The following RBFOX1 variants were observed in gnomAD, a reference collection of about 807,000 sequenced individuals.
RBFOX1 encodes RNA binding fox-1 homolog 1, also known as RNA binding protein fox-1 homolog 1.
In RBFOX1, 8 loss-of-function variants were observed where a neutral mutation model predicts 57.7. That is an observed-to-expected ratio of 0.14 (90% CI 0.08 to 0.25). RBFOX1 has a LOEUF of 0.25. Among genes scored for constraint, RBFOX1 ranks in the 10% least tolerant of loss-of-function variants. The pLI, the probability that RBFOX1 is intolerant of heterozygous loss-of-function variation, is 1.00. For missense variants in RBFOX1, 611 were observed against 548.5 expected (o/e 1.11, Z -1.14); for synonymous variants, 326 against 222.4 (o/e 1.47, Z -4.15).
chr16:6,921,971 A>T (rs558754169), intron 3 of RBFOX1, among the ~76,000 whole-genome samples: 1 of 152,166 alleles, frequency 6.6e-6, no homozygotes, highest in Non-Finnish European at 1.5e-5. Flanking sequence ...TATTGTATGA[A>T]TTAGAATATA....
chr16:6,566,607 C>G (rs1183545991), intron 2 of RBFOX1, among the ~76,000 whole-genome samples: 4 of 152,108 alleles, frequency 2.6e-5, no homozygotes, highest in African/African-American at 9.7e-5. Context: ...TTCTTATTAT[C>G]TTTAGAAGGT....
intron 3 of RBFOX1, among the ~76,000 whole-genome samples, chr16:6,685,273 C>CTT (rs202226687): frequency 0.049 from 5,442 of 111,486 alleles, 640 homozygotes; most frequent in African/African-American, 0.16. Context: ...GAGAGTTTTT[C>CTT]TTTTTTTTTT....
intron 3 of RBFOX1, among the ~76,000 whole-genome samples, chr16:6,939,688 C>T (rs763301763): frequency 5.9e-5 from 9 of 151,802 alleles, no homozygotes; most frequent in Middle Eastern, 3.4e-3. Flanking sequence ...ATTTTTGTAT[C>T]TTTGGTAGAG....
intron 2 of RBFOX1, among the ~76,000 whole-genome samples, chr16:6,442,688 T>C (rs1345720596): frequency 6.6e-6 from 1 of 152,202 alleles, no homozygotes; most frequent in African/African-American, 2.4e-5. Context: ...GTGATATCAG[T>C]CTCCCTGTCT....
intron 11 of RBFOX1, among the ~76,000 whole-genome samples, chr16:7,652,453 G>A (rs902858564): frequency 2.6e-5 from 4 of 152,292 alleles, no homozygotes; most frequent in Admixed American, 2.6e-4. Context: ...TGTCACTCAG[G>A]CTGGAATGCA....
intron 4 of RBFOX1, among the ~76,000 whole-genome samples, chr16:7,261,858 G>A (rs113221041): frequency 1.3e-5 from 2 of 152,122 alleles, no homozygotes; most frequent in Admixed American, 1.3e-4. Context: ...GGATTCATTT[G>A]TTCAGGAGGC....
At chr16:5,801,809 C>T (rs1257374204) in intron 3 of RBFOX1, among the ~76,000 whole-genome samples, 4 of 152,052 alleles carry the variant, frequency 2.6e-5, no homozygotes, top group Admixed American at 6.6e-5. Context: ...GAACCGGGTG[C>T]CAAAATTATC....
intron 2 of RBFOX1, among the ~76,000 whole-genome samples, chr16:6,592,364 C>CT (rs2097723372): frequency 6.6e-6 from 1 of 152,156 alleles, no homozygotes; most frequent in Non-Finnish European, 1.5e-5. Flanking sequence ...CACAAAGGGT[C>CT]TTTGGATGGG....
intron 11 of RBFOX1, among the ~76,000 whole-genome samples, chr16:7,636,101 C>G (rs148692359): frequency 6.6e-6 from 1 of 152,228 alleles, no homozygotes; most frequent in Non-Finnish European, 1.5e-5. Context: ...TGAGCCACTG[C>G]GCCCAGCCCA....
At chr16:5,704,451 T>G (rs867584348) in intron 3 of RBFOX1, among the ~76,000 whole-genome samples, 1 of 152,114 alleles carries the variant, frequency 6.6e-6, no homozygotes, top group Non-Finnish European at 1.5e-5. Flanking sequence ...CACAGCTCTG[T>G]TGGCTTTTTG....
chr16:5,404,621 C>T (rs989429019), intron 1 of RBFOX1, among the ~76,000 whole-genome samples: 2 of 152,192 alleles, frequency 1.3e-5, no homozygotes, highest in Non-Finnish European at 2.9e-5. Context: ...CCCACGTTAG[C>T]TCTGAGTTCA....
chr16:6,941,128 C>T (rs1022877931), intron 3 of RBFOX1, among the ~76,000 whole-genome samples: 4 of 152,040 alleles, frequency 2.6e-5, no homozygotes, highest in African/African-American at 9.6e-5. Context: ...CATTTCAAGT[C>T]TACTGGGATA....
intron 1 of RBFOX1, among the ~76,000 whole-genome samples, chr16:5,306,205 A>G (rs2063928808): frequency 6.6e-6 from 1 of 152,232 alleles, no homozygotes; most frequent in Admixed American, 6.5e-5. Flanking sequence ...GTCTCCAAAA[A>G]ACTAAATAAA....
At chr16:6,550,915 G>A (rs1343126359) in intron 2 of RBFOX1, among the ~76,000 whole-genome samples, 2 of 152,138 alleles carry the variant, frequency 1.3e-5, no homozygotes, top group South Asian at 2.1e-4. Context: ...GAATACTCGG[G>A]CAACTCAAGT....
intron 3 of RBFOX1, among the ~76,000 whole-genome samples, chr16:6,781,842 C>T (rs1195698804): frequency 1.3e-5 from 2 of 152,006 alleles, no homozygotes; most frequent in African/African-American, 4.8e-5. Context: ...TTGTTGATTT[C>T]GTTTTTATTT....
At chr16:7,450,189 A>C (rs559041701) in intron 4 of RBFOX1, among the ~76,000 whole-genome samples, 1 of 152,012 alleles carries the variant, frequency 6.6e-6, no homozygotes, top group East Asian at 1.9e-4. Flanking sequence ...AGGTCAGGGG[A>C]TCGAGATCAT....
chr16:6,303,141 A>C (rs2079019688), intron 1 of RBFOX1, among the ~76,000 whole-genome samples: 1 of 152,136 alleles, frequency 6.6e-6, no homozygotes, highest in Non-Finnish European at 1.5e-5. Context: ...TTGAATTTTC[A>C]TTGTAGTTGT....
intron 1 of RBFOX1, among the ~76,000 whole-genome samples, chr16:6,253,059 C>G (rs775150788): frequency 9.9e-5 from 15 of 152,122 alleles, no homozygotes; most frequent in Non-Finnish European, 1.6e-4. Flanking sequence ...GTTGAAGGGA[C>G]ATAACCCTGC....
intron 4 of RBFOX1, among the ~76,000 whole-genome samples, chr16:7,278,875 T>A (rs954224361): frequency 6.6e-6 from 1 of 152,196 alleles, no homozygotes; most frequent in Admixed American, 6.5e-5. Context: ...TAAATTTATC[T>A]TGTCGAAAGG....
Sources: gnomAD v4.1 joint callset for allele counts (sites outside exome capture counted in the v4.1 genomes callset) on GRCh38, gnomAD v4.1.1 for gene constraint, MANE v1.5 for transcripts, NCBI Gene and HGNC (gene_info 2026-07-23, HGNC 2026-07-21) for gene names.